EYS: variants seen among roughly 807,000 people sequenced by gnomAD.
The protein encoded by EYS is EGF-like photoreceptor maintenance factor.
A neutral mutation model predicts 282.1 loss-of-function variants in EYS; 250 were observed. That is an observed-to-expected ratio of 0.89 (90% confidence interval 0.80 to 0.98). The LOEUF (loss-of-function observed/expected upper bound fraction) is 0.98. Among genes scored for constraint, EYS ranks in the 50% least tolerant of loss-of-function variants. The pLI is 0.00. For missense variants in EYS, 4,016 were observed against 3,709.0 expected, an observed-to-expected ratio of 1.08 and a Z score of -2.15; for synonymous variants, 1,355 against 1,282.9, an observed-to-expected ratio of 1.06 and a Z score of -1.20.
At chr6:64,159,407 A>G (rs549733787) in intron 31 of EYS, among the ~76,000 whole-genome samples, 1 of 151,932 alleles carries the variant, frequency 6.6e-6, no homozygotes, top group African/African-American at 2.4e-5. Flanking sequence ...AAAAATATAA[A>G]AAATTAGCCA....
chr6:65,196,397 A>G (rs1410798628), intron 12 of EYS, among the ~76,000 whole-genome samples: 2 of 152,122 alleles, frequency 1.3e-5, no homozygotes, highest in Non-Finnish European at 2.9e-5. Context: ...ATTTTCTTAC[A>G]CATGCAATTG....
chr6:64,154,872 A>G (rs949190268), intron 31 of EYS, among the ~76,000 whole-genome samples: 1 of 152,200 alleles, frequency 6.6e-6, no homozygotes, highest in African/African-American at 2.4e-5. Context: ...TCTACCCATG[A>G]AAACACATGG....
intron 19 of EYS, among the ~76,000 whole-genome samples, chr6:64,849,798 C>A (rs1337177402): frequency 6.6e-6 from 1 of 151,812 alleles, no homozygotes; most frequent in Admixed American, 6.6e-5. Context: ...ATGTAGTGCC[C>A]CCCATCTTTA....
At chr6:64,774,934 A>G (rs1486599211) in intron 22 of EYS, among the ~76,000 whole-genome samples, 1 of 151,972 alleles carries the variant, frequency 6.6e-6, no homozygotes, top group Non-Finnish European at 1.5e-5. Flanking sequence ...ATTTGCAACT[A>G]TTTCATGTTT....
intron 33 of EYS, among the ~76,000 whole-genome samples, chr6:64,047,897 T>TTTTA (rs1395296419): frequency 6.6e-6 from 1 of 152,052 alleles, no homozygotes; most frequent in Non-Finnish European, 1.5e-5. Flanking sequence ...TGATTTTGAA[T>TTTTA]TTTATTTTAT....
intron 29 of EYS, among the ~76,000 whole-genome samples, chr6:64,317,845 A>C (rs1321509407): frequency 6.6e-6 from 1 of 152,194 alleles, no homozygotes; most frequent in East Asian, 1.9e-4. Flanking sequence ...AATACTATGC[A>C]GCCATGAAAA....
intron 29 of EYS, among the ~76,000 whole-genome samples, chr6:64,387,613 A>G (rs1016325634): frequency 2.0e-5 from 3 of 152,100 alleles, no homozygotes; most frequent in Admixed American, 6.5e-5. Flanking sequence ...CTTGGTGTAT[A>G]AAAAAATAAA....
At chr6:65,200,562 C>A (rs1282167078) in intron 12 of EYS, among the ~76,000 whole-genome samples, 1 of 151,500 alleles carries the variant, frequency 6.6e-6, no homozygotes, top group East Asian at 1.9e-4. Context: ...AGAAGAGATG[C>A]TAAACTAAGA....
chr6:65,084,831 T>A (rs1774322789), intron 12 of EYS, among the ~76,000 whole-genome samples: 1 of 152,142 alleles, frequency 6.6e-6, no homozygotes, highest in African/African-American at 2.4e-5. Context: ...TACAGCATGC[T>A]GAAACAGAAG....
chr6:65,113,089 C>T (rs1302187368), intron 12 of EYS, among the ~76,000 whole-genome samples: 1 of 152,048 alleles, frequency 6.6e-6, no homozygotes, highest in Non-Finnish European at 1.5e-5. Flanking sequence ...CAGTTTAGCT[C>T]TTGCAAACCT....
intron 35 of EYS, among the ~76,000 whole-genome samples, chr6:63,889,883 C>A (rs909185070): frequency 2.0e-5 from 3 of 151,744 alleles, no homozygotes; most frequent in Admixed American, 2.0e-4. Flanking sequence ...ACCCATCTCA[C>A]GTACAAAGTC....
intron 19 of EYS, among the ~76,000 whole-genome samples, chr6:64,829,459 C>T (rs1480333564): frequency 6.6e-6 from 1 of 151,998 alleles, no homozygotes. Context: ...CTTGCTTCTC[C>T]TGCCAATAGA....
intron 33 of EYS, among the ~76,000 whole-genome samples, chr6:64,038,215 TTAGA>T (rs907788345): frequency 2.6e-5 from 4 of 152,108 alleles, no homozygotes; most frequent in Non-Finnish European, 4.4e-5. Flanking sequence ...AAATTTACAC[TTAGA>T]TAGGTTGAAT....
At chr6:65,642,612 T>C (rs1454584127) in intron 1 of EYS, among the ~76,000 whole-genome samples, 1 of 152,164 alleles carries the variant, frequency 6.6e-6, no homozygotes, top group Non-Finnish European at 1.5e-5. Flanking sequence ...TGTTAGACTC[T>C]TCATTTTGTT....
intron 26 of EYS, among the ~76,000 whole-genome samples, chr6:64,586,572 T>C (rs1766239781): frequency 6.6e-6 from 1 of 152,018 alleles, no homozygotes; most frequent in Admixed American, 6.6e-5. Context: ...AAGATGTAAA[T>C]CTTTTCAGAA....
At chr6:65,163,131 T>G (rs747157299) in intron 12 of EYS, among the ~76,000 whole-genome samples, 13 of 151,296 alleles carry the variant, frequency 8.6e-5, no homozygotes, top group Non-Finnish European at 1.8e-4. Context: ...CAAAATCTCT[T>G]TATGCACCTC....
rs532963071 is a variant in EYS, at chr6:64,262,538, T to C, written c.6192-31714A>G. Among the ~76,000 whole-genome samples the C allele has an allele frequency of 2.4e-3, 372 of 151,844 alleles. 2 individuals are homozygous for C. The highest frequency in any genetic ancestry group is 3.6e-3 in the Non-Finnish European group (244 of 67,962). On this transcript the variant is annotated intron_variant, in intron 30 of 42. Coordinates refer to ENST00000503581, the MANE Select transcript of EYS (RefSeq NM_001142800.2). ...GAATAGTATGCTTTTTAAGACTCTA[T>C]TTCTATATCATCAATATCTAAGTAA...
intron 12 of EYS, among the ~76,000 whole-genome samples, chr6:65,228,735 G>A (rs902335662): frequency 7.9e-5 from 12 of 152,052 alleles, no homozygotes; most frequent in Non-Finnish European, 1.6e-4. Flanking sequence ...TACAATTGGA[G>A]TTCTAACACT....
At chr6:64,520,409 A>T (rs142168644) in intron 26 of EYS, among the ~76,000 whole-genome samples, 58 of 151,880 alleles carry the variant, frequency 3.8e-4, no homozygotes, top group Non-Finnish European at 6.9e-4. Context: ...AGATCAGGTA[A>T]CACTAGGTAA....
Sources: allele counts gnomAD v4.1 joint callset (sites outside exome capture counted in the v4.1 genomes callset), GRCh38; gene constraint gnomAD v4.1.1; transcripts MANE v1.5; gene names NCBI Gene and HGNC (gene_info 2026-07-23, HGNC 2026-07-21).